Variants in CCNB1IP1 observed in about 807,000 individuals in gnomAD.
The protein encoded by CCNB1IP1 is cyclin B1 interacting protein 1.
In CCNB1IP1, 14 loss-of-function variants were observed where a neutral mutation model predicts 25.6. The ratio of observed to expected loss-of-function variants is 0.55; its 90% CI spans 0.36 to 0.85. The LOEUF (loss-of-function observed/expected upper bound fraction) is 0.85. CCNB1IP1 is among the 40% of genes least tolerant of loss of function. The pLI, the probability that CCNB1IP1 is intolerant of heterozygous loss-of-function variation, is 0.01. For missense variants in CCNB1IP1, 278 were observed against 342.4 expected (o/e 0.81, Z 1.48); for synonymous variants, 119 against 116.1 (o/e 1.02, Z -0.16).
At chr14:20,330,580 A>G (rs1263606823) in intron 1 of CCNB1IP1, 1 of 151,446 alleles carries the variant, frequency 6.6e-6, no homozygotes, top group Non-Finnish European at 1.5e-5. Flanking sequence ...GGCCCTTCCA[A>G]CTCCAAGATA....
chr14:20,315,613 G>A (rs1882665523), intron 5 of CCNB1IP1: 1 of 1,286,774 alleles, frequency 7.8e-7, no homozygotes, highest in Non-Finnish European at 1.0e-6. Flanking sequence ...TCTTTCAAAG[G>A]AAATACTAAA....
rs1882702308 is a variant in CCNB1IP1 at position 20,316,524 on chromosome 14, A to G, written c.-1T>C. 6.2e-7 allele frequency: 1 copy of G among 1,601,888 alleles called. No homozygotes were observed. The highest frequency in any genetic ancestry group is 8.5e-7 in the Non-Finnish European group (1 of 1,176,946). On this transcript the variant is annotated 5_prime_UTR_variant, in exon 5 of 7. Transcript: ENST00000358932. ...GCAGCATGTCTTCACACAAAGACAT[A>G]ATAGGATAGTGAGGTCTCCAGAAGC...
In CCNB1IP1 at chr14:20,331,480, T is replaced by C. The variant is rs74844002; in HGVS notation, c.-431+1774A>G. 6.6e-5 allele frequency among the ~76,000 whole-genome samples: 10 copies of C among 152,232 alleles called. No individual in the cohort carries two copies. In the East Asian group the frequency reaches 1.9e-3, roughly 29 times the overall value. ...CCACCGTGTACAAAATAAATATAAA[T>C]AGGAAGCACTGCAAAATATCTAGAG... On this transcript the variant is annotated intron_variant, in intron 1 of 6. Transcript: ENST00000358932.
rs554226615 is a variant in CCNB1IP1 at position 20,328,377 on chromosome 14, C to T, written c.-231+797G>A. Among the ~76,000 whole-genome samples the T allele has an allele frequency of 2.6e-5, 4 of 152,296 alleles. No homozygotes were observed. In the East Asian group the frequency reaches 5.8e-4, roughly 22 times the overall value. On this transcript the variant is annotated intron_variant, in intron 2 of 6. Transcript: ENST00000358932. The stretch of plus-strand genomic sequence containing the variant: ...AAAGAAACTGAAGCATTTTAAATAT[C>T]TCAGACAGATATGATCAAAATGTTA...
rs183068410 is a variant in CCNB1IP1, at chr14:20,319,675, G to A, written c.-37-3115C>T. ...CATTCTTCTAATAGACATTGATTGC[G>A]GGTTTTTACAATTAAAAACAATACT... On this transcript the variant is annotated intron_variant, in intron 4 of 6. Coordinates refer to ENST00000358932, the MANE Select transcript of CCNB1IP1 (RefSeq NM_021178.5). Among the ~76,000 whole-genome samples, 35 of 151,964 alleles carry A rather than the reference G, an allele frequency of 2.3e-4. No individual in the cohort carries two copies. In the South Asian group the frequency reaches 6.5e-3, roughly 28 times the overall value.
chr14:20,317,234 A>G (rs1882733367), intron 4 of CCNB1IP1, among the ~76,000 whole-genome samples: 2 of 151,668 alleles, frequency 1.3e-5, no homozygotes, highest in South Asian at 4.2e-4. Flanking sequence ...GTGAAATCCC[A>G]TCTCTACTAA....
intron 5 of CCNB1IP1, among the ~76,000 whole-genome samples, chr14:20,314,003 G>T (rs2138841223): frequency 6.6e-6 from 1 of 152,308 alleles, no homozygotes; most frequent in Non-Finnish European, 1.5e-5. Context: ...TAGAAAAAAA[G>T]TCTGGAAGAA....
At chr14:20,332,026 A>ATTTTTTTTTTTT (rs57345952) in intron 1 of CCNB1IP1, among the ~76,000 whole-genome samples, 4 of 40,750 alleles carry the variant, frequency 9.8e-5, no homozygotes, top group Non-Finnish European at 1.3e-4. Flanking sequence ...ATATATATAT[A>ATTTTTTTTTTTT]TTTTTTTTTT....
rs1883168510 is a variant in CCNB1IP1 at position 20,329,320 on chromosome 14, T to C, written c.-377A>G. 1 of 152,256 alleles carries C rather than the reference T, an allele frequency of 6.6e-6. No homozygotes were observed. The highest frequency in any genetic ancestry group is 2.4e-5 in the African/African-American group (1 of 41,468). 9.4% of individuals were successfully genotyped at this position (152,256 alleles called of 1,614,324 possible). ...AGGGGGTCTACAGATGGGCCAGTTCTGGACTGGCACACAGGGTGCTGGACT... is the reference window on the plus strand; with the variant it reads ...AGGGGGTCTACAGATGGGCCAGTTCCGGACTGGCACACAGGGTGCTGGACT... On this transcript the variant is annotated 5_prime_UTR_variant, in exon 2 of 7. Coordinates refer to ENST00000358932, the MANE Select transcript of CCNB1IP1 (RefSeq NM_021178.5).
At chr14:20,324,583 T>G (rs1485453639) in intron 4 of CCNB1IP1, among the ~76,000 whole-genome samples, 1 of 152,184 alleles carries the variant, frequency 6.6e-6, no homozygotes, top group Non-Finnish European at 1.5e-5. Flanking sequence ...TGATGACAAA[T>G]AGTTAACATC....
intron 6 of CCNB1IP1, 126 bp from the exon 7 acceptor site, chr14:20,311,878 A>C: frequency 1.8e-6 from 1 of 552,740 alleles, no homozygotes; most frequent in Non-Finnish European, 2.9e-6. Context: ...CTTAGAAAAA[A>C]ACAGACATAT....
intron 4 of CCNB1IP1, among the ~76,000 whole-genome samples, chr14:20,322,530 A>G (rs979781546): frequency 9.2e-5 from 14 of 151,978 alleles, no homozygotes; most frequent in African/African-American, 2.7e-4. Context: ...AATTGATTCC[A>G]TAAAGCCATT....
intron 4 of CCNB1IP1, among the ~76,000 whole-genome samples, chr14:20,317,304 G>C (rs1371050272): frequency 6.6e-6 from 1 of 152,110 alleles, no homozygotes; most frequent in African/African-American, 2.4e-5. Flanking sequence ...TACTCAGGAG[G>C]CTGAGGCAGG....
rs71313494 is a variant in CCNB1IP1, at chr14:20,331,980, A to AAT, written c.-431+1272_-431+1273dup. ...CATGTGAATGTATTACCTATTCAAA[A>AAT]ATATATATATATATGATGTGTATAC... On this transcript the variant is annotated intron_variant, in intron 1 of 6. Transcript: ENST00000358932. Among the ~76,000 whole-genome samples, 838 of 121,150 alleles carry AAT rather than the reference A, an allele frequency of 6.9e-3. 14 individuals are homozygous for AAT. The highest frequency in any genetic ancestry group is 0.024 in the African/African-American group (750 of 31,324). The allele number at this position is 121,150 out of a possible 152,430, so 79.5% of individuals were successfully genotyped here.
At chr14:20,314,834 GTAATCCCAGC>G (rs971537393) in intron 5 of CCNB1IP1, among the ~76,000 whole-genome samples, 2 of 151,982 alleles carry the variant, frequency 1.3e-5, no homozygotes, top group African/African-American at 4.8e-5. Flanking sequence ...GCTCATGCCT[GTAATCCCAGC>G]ACTTTGGGAG....
At chr14:20,328,087 A>G (rs1883130590) in intron 2 of CCNB1IP1, among the ~76,000 whole-genome samples, 8 of 152,198 alleles carry the variant, frequency 5.3e-5, no homozygotes, top group Admixed American at 5.2e-4. Flanking sequence ...AGCAGTGGCT[A>G]TCATTCTTTA....
At chr14:20,328,861 G>A (rs1414612939) in intron 2 of CCNB1IP1, among the ~76,000 whole-genome samples, 3 of 152,124 alleles carry the variant, frequency 2.0e-5, no homozygotes, top group Admixed American at 6.6e-5. Flanking sequence ...AGGACATTTC[G>A]TATTTACTAA....
intron 2 of CCNB1IP1, among the ~76,000 whole-genome samples, chr14:20,327,281 A>G (rs1883105257): frequency 6.6e-6 from 1 of 152,142 alleles, no homozygotes; most frequent in Non-Finnish European, 1.5e-5. Context: ...AGATTCAGAT[A>G]ACTGAGAAAA....
intron 1 of CCNB1IP1, among the ~76,000 whole-genome samples, chr14:20,330,340 G>A (rs72671264): frequency 0.12 from 17,847 of 152,094 alleles, 1,170 homozygotes; most frequent in East Asian, 0.17. Context: ...TCCAAAAGGA[G>A]GAAAAGAGAG....
Sources: allele counts gnomAD v4.1 joint callset (sites outside exome capture counted in the v4.1 genomes callset), GRCh38; gene constraint gnomAD v4.1.1; transcripts MANE v1.5; gene names NCBI Gene and HGNC (gene_info 2026-07-23, HGNC 2026-07-21).